Variants in IGFLR1 observed in about 807,000 individuals in gnomAD.
The protein encoded by IGFLR1 is IGF like family receptor 1, also known as IGF-like family receptor 1.
Under a neutral mutation model 23.4 loss-of-function variants are expected in IGFLR1, and 17 were observed. The ratio of observed to expected loss-of-function variants is 0.73; its 90% confidence interval spans 0.50 to 1.09. The LOEUF is 1.09. Among genes scored for constraint, IGFLR1 ranks in the 50% least tolerant of loss-of-function variants. The probability of loss-of-function intolerance (pLI) is 0.00; values close to 1 mark genes in which losing one functional copy is unlikely to be tolerated. For synonymous variants in IGFLR1, 265 were observed against 210.7 expected (o/e 1.26, Z -2.23); for missense variants, 556 against 459.2 (o/e 1.21, Z -1.93).
At chr19:35,740,713 G>C in intron 2 of IGFLR1, 149 bp from the exon 3 acceptor site, 1 of 794,468 alleles carries the variant, frequency 1.3e-6, no homozygotes, top group Non-Finnish European at 1.9e-6. Flanking sequence ...CTTTTCTCCG[G>C]GCTCGCCTTT....
In IGFLR1 at chr19:35,740,732, C is replaced by A. The variant is rs560034416; in HGVS notation, c.158-168G>T. 12 of 693,254 alleles carry A rather than the reference C, an allele frequency of 1.7e-5. No individual in the cohort carries two copies. The Admixed American group carries it at 2.5e-4, about 14-fold the overall frequency. 42.9% of individuals were successfully genotyped at this position (693,254 alleles called of 1,614,324 possible). On this transcript the variant is annotated intron_variant, in intron 2 of 4. Coordinates refer to ENST00000246532, the MANE Select transcript of IGFLR1 (RefSeq NM_024660.4). ...TCTCCGGGCTCGCCTTTTCACCCCC[C>A]TCCAGCCTGCTCCGCACGAAGCTCC...
chr19:35,739,834 A>G lies in IGFLR1; in HGVS notation c.597T>C (p.Tyr199=), dbSNP rs757005768. ...WPKEKADPYP[Y]PGLVCGVPNT... ...TGGGGACTCCGCAGACCAAGCCAGG[A>G]TAGGGATAGGGGTCGGCTTTCTCCT... The change falls in exon 4 of 5, where the codon TAT becomes TAC. Residue 199 remains tyrosine, a synonymous_variant. Transcript: ENST00000246532. The G allele has an allele frequency of 1.2e-5, 19 of 1,609,262 alleles. No individual in the cohort carries two copies. The highest frequency in any genetic ancestry group is 2.7e-5 in the African/African-American group (2 of 74,842).
At position 35,742,405 on chromosome 19, in the gene IGFLR1, C is replaced by T. The variant is rs1970296560; in HGVS notation, c.-53G>A. On this transcript the variant is annotated 5_prime_UTR_variant, in exon 1 of 5. Coordinates refer to ENST00000246532, the MANE Select transcript of IGFLR1 (RefSeq NM_024660.4). ...CCCACCCTACCAGTACCGTTAGGGT[C>T]CTGGGTCCCAAGCTGGCCGTGCCAA... 17 of 1,532,654 alleles carry T rather than the reference C, an allele frequency of 1.1e-5. No individual in the cohort carries two copies. The highest frequency in any genetic ancestry group is 1.5e-5 in the Non-Finnish European group (17 of 1,145,020). The allele number at this position is 1,532,654 out of a possible 1,614,324, so 94.9% of individuals were successfully genotyped here. A position where few individuals can be genotyped will look rare whatever the true frequency, so the allele number is the denominator to read the frequency against.
At chr19:35,741,324 TC>T in intron 1 of IGFLR1, 101 bp from the exon 2 acceptor site, 1 of 1,252,838 alleles carries the variant, frequency 8.0e-7, no homozygotes, top group South Asian at 1.3e-5. Context: ...CCCCGAGCCC[TC>T]ATCCCCCAAC....
rs762652694 is a variant in IGFLR1 at position 35,739,257 on chromosome 19, T to C, written c.*23A>G. On this transcript the variant is annotated 3_prime_UTR_variant, in exon 5 of 5. Transcript: ENST00000246532. ...GCTAATTGTATACTGGGCTTAGTAG[T>C]CAGCAAAGTTCTTTATTGGGTGTTA... 1 of 1,523,978 alleles carries C rather than the reference T, an allele frequency of 6.6e-7. No homozygotes were observed. The highest frequency in any genetic ancestry group is 8.9e-7 in the Non-Finnish European group (1 of 1,128,086). The allele number at this position is 1,523,978 out of a possible 1,614,324, so 94.4% of individuals were successfully genotyped here. A position where few individuals can be genotyped will look rare whatever the true frequency, so the allele number is the denominator to read the frequency against.
chr19:35,739,296 C>T lies in IGFLR1; in HGVS notation c.1052G>A (p.Gly351Glu). 1 of 1,595,406 alleles carries T rather than the reference C, an allele frequency of 6.3e-7. No homozygotes were observed. Among genetic ancestry groups the T allele is most frequent in the East Asian group, 2.3e-5 (1 of 44,328 alleles). ...LRVLSKLGSS[G>E]VCWA ...TATTGGGTGTTAAGCCCAGCAAACC[C>T]CAGATGAGCCAAGCTTGGACAGCAC... The change falls in exon 5 of 5, where the codon GGG (glycine) becomes GAG (glutamate). Residue 351 changes from glycine (G) to glutamate (E), a missense_variant. Coordinates refer to ENST00000246532, the MANE Select transcript of IGFLR1 (RefSeq NM_024660.4).
At chr19:35,741,831 G>A (rs888671557) in intron 1 of IGFLR1, among the ~76,000 whole-genome samples, 5 of 151,910 alleles carry the variant, frequency 3.3e-5, no homozygotes, top group African/African-American at 7.3e-5. Context: ...AAAACTGGCC[G>A]CCGGGCGCAG....
intron 2 of IGFLR1, 44 bp downstream of exon 2, chr19:35,740,967 CCCGCTCCCTATCA>C (rs762514035): frequency 1.1e-5 from 17 of 1,559,782 alleles, no homozygotes; most frequent in Non-Finnish European, 1.5e-5. Flanking sequence ...TCGCCCCTTC[CCCGCTCCCTATCA>C]CCTGCAAGCT....
At position 35,740,037 on chromosome 19, in the gene IGFLR1, C is replaced by T; in HGVS notation, c.394G>A (p.Ala132Thr). The T allele has an allele frequency of 6.2e-7, 1 of 1,613,908 alleles. No homozygotes were observed. Among genetic ancestry groups the T allele is most frequent in the Non-Finnish European group, 8.5e-7 (1 of 1,179,936 alleles). ...GAGCTGCGCTCCTGGGAGCTAGGGG[C>T]GCCTGGGTTTCCAGGTGTGAGGGGG... ...HCPLTPGNPG[A>T]PSSQERSSPA... The change falls in exon 4 of 5, where the codon GCC (alanine) becomes ACC (threonine). Residue 132 changes from alanine (A) to threonine (T), a missense_variant. Coordinates refer to ENST00000246532, the MANE Select transcript of IGFLR1 (RefSeq NM_024660.4).
In IGFLR1 at chr19:35,739,594, G is replaced by C. The variant is rs774295280; in HGVS notation, c.754C>G (p.Arg252Gly). 1 of 1,613,654 alleles carries C rather than the reference G, an allele frequency of 6.2e-7. No homozygotes were observed. Among genetic ancestry groups the C allele is most frequent in the African/African-American group, 1.3e-5 (1 of 75,026 alleles). Residue 252 changes from arginine (R) to glycine (G), a missense_variant, in exon 5 of 5, where the codon CGC becomes GGC. Physicochemically the swap from Arg to Gly is moderately radical, Grantham distance 125. Coordinates refer to ENST00000246532, the MANE Select transcript of IGFLR1 (RefSeq NM_024660.4). ...LSSLASQPLS[R>G]LLDELEVLEE... ...AGCACCTCCAGCTCATCCAGGAGGC[G>C]AGACAGGGGTTGTGACGCCAGACTG...
rs1015834860 is a variant in IGFLR1, at chr19:35,741,433, C to G, written c.-43-210G>C. 5.0e-5 allele frequency: 26 copies of G among 525,082 alleles called. No individual in the cohort carries two copies. The South Asian group carries it at 5.0e-4, about 10-fold the overall frequency. 32.5% of individuals were successfully genotyped at this position (525,082 alleles called of 1,614,324 possible). Reference sequence around the variant, plus strand: ...GCATATCCCACCTCTGCCGTGTCCTCACCCACCCACCCTCCCTTTTCCATC... The same window carrying G: ...GCATATCCCACCTCTGCCGTGTCCTGACCCACCCACCCTCCCTTTTCCATC... On this transcript the variant is annotated intron_variant, in intron 1 of 4. Coordinates refer to ENST00000246532, the MANE Select transcript of IGFLR1 (RefSeq NM_024660.4).
Position 35,740,562 on chromosome 19 carries a change from A to G in IGFLR1, c.160T>C (p.Tyr54His), listed in dbSNP as rs1426536765. The G allele has an allele frequency of 5.0e-6, 8 of 1,602,158 alleles. No individual in the cohort carries two copies. The highest frequency in any genetic ancestry group is 6.8e-6 in the Non-Finnish European group (8 of 1,173,876). Reference protein sequence around the residue: ...QRFGPPPCPDYEFRENCGLND... With the variant: ...QRFGPPPCPDHEFRENCGLND... ...AGTCCGCAGTTTTCCCGGAACTCAT[A>G]GTCTAGCGGGAAAGCTGCGCTCCAG... The change falls in exon 3 of 5, where the codon TAT becomes CAT. Residue 54 changes from tyrosine to histidine, a missense_variant and splice_region_variant. Transcript: ENST00000246532.
Position 35,742,437 on chromosome 19 carries a change from C to G in IGFLR1, c.-85G>C, listed in dbSNP as rs1970298575. 1 of 1,536,566 alleles carries G rather than the reference C, an allele frequency of 6.5e-7. No individual in the cohort carries two copies. The highest frequency in any genetic ancestry group is 1.2e-5 in the South Asian group (1 of 83,410). ...CCCAAGCTGGCCGTGCCAAGTTCCT[C>G]AGCTGAAGTTGTGGCCAGGACCCAG... On this transcript the variant is annotated 5_prime_UTR_variant, in exon 1 of 5. Coordinates refer to ENST00000246532, the MANE Select transcript of IGFLR1 (RefSeq NM_024660.4).
intron 1 of IGFLR1, among the ~76,000 whole-genome samples, chr19:35,741,831 GC>G (rs967225011): frequency 7.9e-5 from 12 of 151,910 alleles, no homozygotes; most frequent in Non-Finnish European, 1.5e-4. Context: ...AAAACTGGCC[GC>G]CGGGCGCAGT....
At position 35,739,844 on chromosome 19, in the gene IGFLR1, G is replaced by T. The variant is rs749487106; in HGVS notation, c.587C>A (p.Pro196His). The change falls in exon 4 of 5, where the codon CCC (proline) becomes CAC (histidine). Residue 196 changes from proline (P) to histidine (H), a missense_variant. Pro to His is a moderately conservative substitution (Grantham distance 77). Transcript: ENST00000246532. ...HLCWPKEKAD[P>H]YPYPGLVCGV... The stretch of plus-strand genomic sequence containing the variant: ...GCAGACCAAGCCAGGATAGGGATAG[G>T]GGTCGGCTTTCTCCTTGGGCCAGCA... 1 of 1,612,362 alleles carries T rather than the reference G, an allele frequency of 6.2e-7. No individual in the cohort carries two copies. The highest frequency in any genetic ancestry group is 8.5e-7 in the Non-Finnish European group (1 of 1,178,576).
At position 35,739,040 on chromosome 19, in the gene IGFLR1, C is replaced by A; in HGVS notation, c.*240G>T. On this transcript the variant is annotated 3_prime_UTR_variant, in exon 5 of 5. Coordinates refer to ENST00000246532, the MANE Select transcript of IGFLR1 (RefSeq NM_024660.4). ...GGGGTCTGTTACGGCTTCAGAACAA[C>A]ACAACACAGCAACTGTCTGTAGCAG... is the stretch of plus-strand genomic sequence containing the variant. The A allele has an allele frequency of 1.8e-6, 1 of 559,774 alleles. No homozygotes were observed. The highest frequency in any genetic ancestry group is 3.2e-6 in the Non-Finnish European group (1 of 317,408). 34.7% of individuals were successfully genotyped at this position (559,774 alleles called of 1,614,324 possible).
chr19:35,740,524 GCCGTGGTCATTGAGT>G lies in IGFLR1; in HGVS notation c.183_197del (p.Leu62_Gly66del). On this transcript the variant is annotated inframe_deletion, in exon 3 of 5. Coordinates refer to ENST00000246532, the MANE Select transcript of IGFLR1 (RefSeq NM_024660.4). ...TTCGGAACGGGGGCGTTACGAAATC[GCCGTGGTCATTGAGT>G]CCGCAGTTTTCCCGGAACTCATAGT... 2.5e-6 allele frequency: 4 copies of G among 1,612,146 alleles called. No individual in the cohort carries two copies. Among genetic ancestry groups the G allele is most frequent in the Non-Finnish European group, 3.4e-6 (4 of 1,179,454 alleles).
chr19:35,739,379 G>A lies in IGFLR1; in HGVS notation c.969C>T (p.Ala323=), dbSNP rs1351490124. 1 of 1,613,132 alleles carries A rather than the reference G, an allele frequency of 6.2e-7. No individual in the cohort carries two copies. The highest frequency in any genetic ancestry group is 2.2e-5 in the East Asian group (1 of 44,882). ...IEMVVAREPS[A]SLGQLGTHLA... ...GGTGTGTGCCAAGCTGGCCCAGGGA[G>A]GCAGAGGGCTCCCTTGCCACCACCA... The change falls in exon 5 of 5, where the codon GCC becomes GCT. Residue 323 remains alanine, a synonymous_variant. Coordinates refer to ENST00000246532, the MANE Select transcript of IGFLR1 (RefSeq NM_024660.4).
At chr19:35,740,637 C>G (rs945430267) in intron 2 of IGFLR1, 73 bp from the exon 3 acceptor site, 1 of 1,421,862 alleles carries the variant, frequency 7.0e-7, no homozygotes, top group African/African-American at 1.4e-5. Context: ...TCCCTTCGCC[C>G]TATCCCAGCG....
Sources: gnomAD v4.1 joint callset for allele counts (sites outside exome capture counted in the v4.1 genomes callset) on GRCh38, gnomAD v4.1.1 for gene constraint, MANE v1.5 for transcripts, NCBI Gene and HGNC (gene_info 2026-07-23, HGNC 2026-07-21) for gene names.